Variants in RBM5 observed in about 807,000 individuals in gnomAD.
RBM5 encodes the protein RNA-binding protein 5.
In RBM5, 15 loss-of-function variants were observed where a neutral mutation model predicts 124.6. The observed-to-expected ratio is 0.12, with a 90% confidence interval of 0.08 to 0.19. The LOEUF is 0.19. Among genes scored for constraint, RBM5 ranks in the 10% least tolerant of loss-of-function variants. RBM5 has a pLI of 1.00. For missense variants in RBM5, 580 were observed against 1,026.5 expected, an observed-to-expected ratio of 0.57 and a Z score of 5.94; for synonymous variants, 337 against 361.2, an observed-to-expected ratio of 0.93 and a Z score of 0.76.
At position 50,118,390 on chromosome 3, in the gene RBM5, G is replaced by A. The variant is rs182960900; in HGVS notation, c.2382G>A (p.Ser794=). The A allele has an allele frequency of 1.2e-5, 20 of 1,614,098 alleles. No homozygotes were observed. The highest frequency in any genetic ancestry group is 1.1e-4 in the African/African-American group (8 of 75,014). ...LGAKGSAYGL[S]GADSYKDAVR... ...CCAAAGGCAGCGCATATGGTTTGTC[G>A]GGCGCCGATTCCTACAAAGATGCTG... Residue 794 remains serine, a synonymous_variant, in exon 25 of 25, where the codon TCG becomes TCA. Transcript: ENST00000347869.
chr3:50,102,081 T>G (rs2090950691), intron 6 of RBM5: 1 of 152,194 alleles, frequency 6.6e-6, no homozygotes, highest in Non-Finnish European at 1.5e-5. Flanking sequence ...GTATGTATGT[T>G]TAGAGGGGTT....
intron 10 of RBM5, 58 bp downstream of exon 10, chr3:50,105,767 G>C: frequency 1.9e-6 from 3 of 1,567,786 alleles, no homozygotes; most frequent in Admixed American, 3.6e-5. Context: ...AGGCAAATGT[G>C]GTTCATCCAG....
intron 21 of RBM5, 89 bp downstream of exon 21, chr3:50,115,696 A>T (rs1485223908): frequency 6.9e-7 from 1 of 1,444,200 alleles, no homozygotes; most frequent in East Asian, 2.3e-5. Flanking sequence ...TTCCAAAAAT[A>T]CCTGCCATCT....
In RBM5 at chr3:50,108,265, C is replaced by A. The variant is rs1335611626; in HGVS notation, c.1153C>A (p.Gln385Lys). ...GGATTATCAGCAGTTTTATCAACAA[C>A]AAGCTGGAGGATTGGAATCTGATGC... ...SQDYQQFYQQQAGGLESDASS... is the reference protein window; with the variant it reads ...SQDYQQFYQQKAGGLESDASS... Residue 385 changes from glutamine (Q) to lysine (K), a missense_variant, in exon 14 of 25, where the codon CAA becomes AAA. This residue lies in a region of RBM5 where 104 missense variants were observed against 128.7 expected (regional missense o/e 0.81). Transcript: ENST00000347869. The A allele has an allele frequency of 1.9e-6, 3 of 1,613,412 alleles. No individual in the cohort carries two copies. The highest frequency in any genetic ancestry group is 2.7e-5 in the African/African-American group (2 of 74,892).
At position 50,117,036 on chromosome 3, in the gene RBM5, CTG is replaced by C. The variant is rs1341167054; in HGVS notation, c.2095-35_2095-34del. 1.1e-5 allele frequency: 18 copies of C among 1,570,722 alleles called. No homozygotes were observed. The highest frequency in any genetic ancestry group is 1.5e-5 in the Non-Finnish European group (17 of 1,140,848). ...GCATTAGACGGTTACAGGTTGAAGT[CTG>C]TGAACATTTCCAGCAGTGTTTTTTC... On this transcript the variant is annotated intron_variant, in intron 22 of 24. Transcript: ENST00000347869. The surrounding 1 kb of genome is among the most constrained non-coding windows in gnomAD (Gnocchi z 4.2).
At chr3:50,109,783 T>C in intron 15 of RBM5, 95 bp downstream of exon 15, 1 of 941,720 alleles carries the variant, frequency 1.1e-6, no homozygotes, top group East Asian at 2.4e-5. Flanking sequence ...TGAGCCAGGA[T>C]TGAGTAATAC....
At chr3:50,095,391 TG>T (rs974335647) in intron 4 of RBM5, among the ~76,000 whole-genome samples, 3 of 152,302 alleles carry the variant, frequency 2.0e-5, no homozygotes, top group African/African-American at 7.2e-5. Flanking sequence ...CTTTATAATC[TG>T]GCCACCCTTT....
At chr3:50,095,240 A>G (rs879258994) in intron 4 of RBM5, among the ~76,000 whole-genome samples, 1 of 152,194 alleles carries the variant, frequency 6.6e-6, no homozygotes, top group Admixed American at 6.5e-5. Context: ...TAGGCTTTGA[A>G]GCTCAATGTA....
chr3:50,115,210 A>G, intron 20 of RBM5: 1 of 514,130 alleles, frequency 1.9e-6, no homozygotes, highest in South Asian at 2.6e-5. Flanking sequence ...TCCATTTCTT[A>G]GGCTCCAAGA....
rs551797675 is a variant in RBM5, at chr3:50,118,524, G to C, written c.*68G>C. ...TCCATCTCCCGAATTCGCTGTTACC[G>C]CCTGTCTCTTTAAGGGCATGCCTTG... On this transcript the variant is annotated 3_prime_UTR_variant, in exon 25 of 25. Transcript: ENST00000347869. The C allele has an allele frequency of 6.4e-7, 1 of 1,558,432 alleles. No homozygotes were observed. The highest frequency in any genetic ancestry group is 8.7e-7 in the Non-Finnish European group (1 of 1,147,654).
chr3:50,106,768 A>G lies in RBM5; in HGVS notation c.857A>G (p.Asp286Gly). Residue 286 changes from aspartate (D) to glycine (G), a missense_variant and splice_region_variant, in exon 11 of 25, where the codon GAT becomes GGT. Asp to Gly is a moderately conservative substitution (Grantham distance 94). This residue lies in a region of RBM5 where 42 missense variants were observed against 101.1 expected (regional missense o/e 0.42). Coordinates refer to ENST00000347869, the MANE Select transcript of RBM5 (RefSeq NM_005778.4). ...TTTTTCCTTCACATTCTCCTTCAGG[A>G]TGCTTCTCAGCTGCTTCAGATATTA... ...FAFVQLSSAM[D>G]ASQLLQILQS... is the part of the protein sequence containing the mutation. The G allele has an allele frequency of 6.3e-7, 1 of 1,596,352 alleles. No homozygotes were observed. The highest frequency in any genetic ancestry group is 8.6e-7 in the Non-Finnish European group (1 of 1,163,980).
chr3:50,107,995 C>T (rs1380668224), intron 12 of RBM5, 75 bp from the exon 13 acceptor site: 5 of 1,294,016 alleles, frequency 3.9e-6, no homozygotes, highest in Non-Finnish European at 5.6e-6. Flanking sequence ...ATCATGAGCT[C>T]ATTTTTAGGG....
intron 20 of RBM5, 112 bp from the exon 21 acceptor site, chr3:50,115,316 A>G (rs927013380): frequency 2.4e-6 from 3 of 1,235,970 alleles, no homozygotes; most frequent in African/African-American, 1.5e-5. Context: ...TGTGACATGC[A>G]GTAATGGGGA....
chr3:50,114,497 G>A, intron 20 of RBM5: 2 of 478,432 alleles, frequency 4.2e-6, no homozygotes, highest in Non-Finnish European at 7.3e-6. Context: ...CATTGCATCT[G>A]TGAGTGGAGA....
At chr3:50,096,339 A>G (rs1271723424) in intron 4 of RBM5, among the ~76,000 whole-genome samples, 1 of 140,148 alleles carries the variant, frequency 7.1e-6, no homozygotes, top group African/African-American at 2.7e-5. Context: ...AAAAAAAAAA[A>G]TAGCCAGTCT....
chr3:50,104,419 C>A, intron 8 of RBM5, 111 bp downstream of exon 8: 1 of 1,047,794 alleles, frequency 9.5e-7, no homozygotes, highest in Non-Finnish European at 1.5e-6. Flanking sequence ...GGGAAGATCA[C>A]TTGAGGACAG....
At chr3:50,094,010 C>A in intron 4 of RBM5, 135 bp downstream of exon 4, 2 of 931,170 alleles carry the variant, frequency 2.1e-6, no homozygotes, top group Non-Finnish European at 3.1e-6. Context: ...ATGCTTGGGA[C>A]CAGAACTGTT....
Position 50,100,011 on chromosome 3 carries a change from C to T in RBM5, c.369C>T (p.Gly123=), listed in dbSNP as rs2090907829. 1 of 1,613,922 alleles carries T rather than the reference C, an allele frequency of 6.2e-7. No homozygotes were observed. Among genetic ancestry groups the T allele is most frequent in the South Asian group, 1.1e-5 (1 of 90,978 alleles). ...DIREMMESFE[G]PQPADVRLMK... is the part of the protein sequence containing the mutation. Reference sequence around the variant, plus strand: ...GAGAAATGATGGAGTCCTTCGAAGGCCCTCAGCCTGCGGATGTGAGGCTGA... The same window carrying T: ...GAGAAATGATGGAGTCCTTCGAAGGTCCTCAGCCTGCGGATGTGAGGCTGA... The change falls in exon 5 of 25, where the codon GGC becomes GGT. Residue 123 remains glycine, a synonymous_variant. Coordinates refer to ENST00000347869, the MANE Select transcript of RBM5 (RefSeq NM_005778.4). This position sits in a 1 kb window ranked among gnomAD's most constrained non-coding sequence, Gnocchi z 5.1.
In RBM5 at chr3:50,117,231, G is replaced by A; in HGVS notation, c.2193-19G>A. 1 of 1,614,190 alleles carries A rather than the reference G, an allele frequency of 6.2e-7. No homozygotes were observed. The highest frequency in any genetic ancestry group is 2.2e-5 in the East Asian group (1 of 44,882). On this transcript the variant is annotated intron_variant, in intron 23 of 24. Transcript: ENST00000347869. The surrounding 1 kb of genome is among the most constrained non-coding windows in gnomAD (Gnocchi z 4.2). Reference sequence around the variant, plus strand: ...GGGGCCCTGGCTGTTTTAAGTAACTGTGTGTTTGCCACTGGCAGGAATTAC... The same window carrying A: ...GGGGCCCTGGCTGTTTTAAGTAACTATGTGTTTGCCACTGGCAGGAATTAC...
Sources: gnomAD v4.1 joint callset for allele counts (sites outside exome capture counted in the v4.1 genomes callset) on GRCh38, gnomAD v4.1.1 for gene constraint, gnomAD v4.1.1 regional missense constraint, Gnocchi (gnomAD v3.1) non-coding constraint, MANE v1.5 for transcripts, NCBI Gene and HGNC (gene_info 2026-07-23, HGNC 2026-07-21) for gene names.